Variants in CCDC91 observed in about 807,000 individuals in gnomAD.
CCDC91 encodes coiled-coil domain containing 91.
CCDC91 carries 48 observed loss-of-function variants against 63.2 expected under a neutral mutation model. The ratio of observed to expected loss-of-function variants is 0.76; its 90% CI spans 0.60 to 0.97. The LOEUF (loss-of-function observed/expected upper bound fraction) is 0.97. CCDC91 is among the 50% of genes least tolerant of loss of function. The pLI is 0.00. For synonymous variants in CCDC91, 167 were observed against 165.8 expected, an observed-to-expected ratio of 1.01 and a Z score of -0.06; for missense variants, 500 against 494.6, an observed-to-expected ratio of 1.01 and a Z score of -0.10.
intron 8 of CCDC91, among the ~76,000 whole-genome samples, chr12:28,423,193 C>G (rs544633340): frequency 4.6e-5 from 7 of 152,038 alleles, no homozygotes; most frequent in South Asian, 2.1e-4. Flanking sequence ...AAATAATGCT[C>G]TAAGTACCCT....
intron 6 of CCDC91, among the ~76,000 whole-genome samples, chr12:28,346,268 C>T (rs2138120206): frequency 6.6e-6 from 1 of 152,192 alleles, no homozygotes; most frequent in South Asian, 2.1e-4. Context: ...GATTGAAAAC[C>T]ATATAAAAAC....
At chr12:28,336,590 A>G (rs1941999682) in intron 6 of CCDC91, among the ~76,000 whole-genome samples, 1 of 152,124 alleles carries the variant, frequency 6.6e-6, no homozygotes, top group Non-Finnish European at 1.5e-5. Flanking sequence ...CTGAAGCTTG[A>G]AAAGTCTTGC....
At chr12:28,404,370 G>A (rs1412940231) in intron 8 of CCDC91, among the ~76,000 whole-genome samples, 4 of 151,918 alleles carry the variant, frequency 2.6e-5, no homozygotes, top group Admixed American at 1.3e-4. Flanking sequence ...CACATTTTGT[G>A]ATTTCTACTC....
chr12:28,343,518 G>A (rs894220170), intron 6 of CCDC91, among the ~76,000 whole-genome samples: 1 of 152,016 alleles, frequency 6.6e-6, no homozygotes, highest in Admixed American at 6.5e-5. Context: ...GGGGTAAGAG[G>A]TCAAGAGAGT....
chr12:28,447,446 G>A (rs1347055189), intron 8 of CCDC91, among the ~76,000 whole-genome samples: 1 of 151,724 alleles, frequency 6.6e-6, no homozygotes, highest in Non-Finnish European at 1.5e-5. Context: ...TTTATAATGA[G>A]CATATATCAG....
At chr12:28,282,301 A>T (rs1459089879) in intron 3 of CCDC91, among the ~76,000 whole-genome samples, 1 of 152,032 alleles carries the variant, frequency 6.6e-6, no homozygotes, top group East Asian at 1.9e-4. Context: ...GAAGCTGACT[A>T]CTCTGTGTGC....
At chr12:28,245,754 T>G (rs1275791945) in intron 1 of CCDC91, among the ~76,000 whole-genome samples, 1 of 152,150 alleles carries the variant, frequency 6.6e-6, no homozygotes, top group African/African-American at 2.4e-5. Context: ...GAAGTCAAAT[T>G]AAGTACAAAA....
At chr12:28,205,744 A>C (rs948013891) in intron 1 of CCDC91, among the ~76,000 whole-genome samples, 5 of 152,158 alleles carry the variant, frequency 3.3e-5, no homozygotes, top group Admixed American at 2.6e-4. Flanking sequence ...AGACTCAGCT[A>C]TTGTTACAGA....
chr12:28,522,698 C>G (rs150561620), intron 12 of CCDC91, among the ~76,000 whole-genome samples: 28 of 152,264 alleles, frequency 1.8e-4, no homozygotes, highest in South Asian at 1.2e-3. Flanking sequence ...CCTCCTTTCT[C>G]TTGTGGGCAT....
At chr12:28,196,832 A>G (rs1163148898) in intron 1 of CCDC91, among the ~76,000 whole-genome samples, 2 of 152,162 alleles carry the variant, frequency 1.3e-5, no homozygotes, top group East Asian at 3.8e-4. Context: ...AATATATTTT[A>G]AAAACAAAAT....
At chr12:28,539,218 T>C (rs1039375836) in intron 12 of CCDC91, among the ~76,000 whole-genome samples, 1 of 152,212 alleles carries the variant, frequency 6.6e-6, no homozygotes, top group Non-Finnish European at 1.5e-5. Context: ...TAGGTTTTCT[T>C]CTAGGGTTTT....
At chr12:28,272,725 G>C (rs1947871366) in intron 3 of CCDC91, among the ~76,000 whole-genome samples, 1 of 151,954 alleles carries the variant, frequency 6.6e-6, no homozygotes, top group Non-Finnish European at 1.5e-5. Flanking sequence ...ATATTAGTGT[G>C]TTTCTACTGC....
chr12:28,314,016 G>T lies in CCDC91; in HGVS notation c.576+6267G>T, dbSNP rs144723886. Among the ~76,000 whole-genome samples the T allele has an allele frequency of 2.0e-3, 297 of 152,094 alleles. 3 individuals carry two copies. Among genetic ancestry groups the T allele is most frequent in the African/African-American group, 6.7e-3 (279 of 41,514 alleles). On this transcript the variant is annotated intron_variant, in intron 6 of 12. Coordinates refer to ENST00000536442, the MANE Select transcript of CCDC91 (RefSeq NM_018318.5). ...AAAATTCAGTTACCAGACACAGCTG[G>T]TTATAAAATTATTATCTTTGATAGT...
intron 3 of CCDC91, among the ~76,000 whole-genome samples, chr12:28,297,327 G>A (rs1949616220): frequency 1.3e-5 from 2 of 151,778 alleles, no homozygotes; most frequent in South Asian, 2.1e-4. Context: ...TGGAAACTTG[G>A]TGCTCCTTCG....
chr12:28,380,398 T>C (rs1244670811), intron 7 of CCDC91, among the ~76,000 whole-genome samples: 1 of 152,126 alleles, frequency 6.6e-6, no homozygotes, highest in African/African-American at 2.4e-5. Flanking sequence ...TCAATAATTT[T>C]TCACTTACTA....
chr12:28,434,347 C>G (rs1374074570), intron 8 of CCDC91, among the ~76,000 whole-genome samples: 1 of 151,514 alleles, frequency 6.6e-6, no homozygotes, highest in East Asian at 1.9e-4. Flanking sequence ...AATGCTTTAT[C>G]TGCATCTATT....
At chr12:28,192,387 CA>C (rs1941337397) in intron 1 of CCDC91, among the ~76,000 whole-genome samples, 1 of 152,100 alleles carries the variant, frequency 6.6e-6, no homozygotes, top group East Asian at 1.9e-4. Context: ...AGACTGGTTC[CA>C]TTAAGTAAAA....
At chr12:28,266,242 G>A (rs1030762792) in intron 3 of CCDC91, among the ~76,000 whole-genome samples, 2 of 151,954 alleles carry the variant, frequency 1.3e-5, no homozygotes, top group African/African-American at 4.8e-5. Flanking sequence ...CTGAAGATTA[G>A]GTTTATTATA....
intron 6 of CCDC91, among the ~76,000 whole-genome samples, chr12:28,329,048 T>C (rs1941267566): frequency 6.6e-6 from 1 of 152,088 alleles, no homozygotes; most frequent in Non-Finnish European, 1.5e-5. Context: ...TTTCAAAAAA[T>C]AAAAATGCAT....
Sources: gnomAD v4.1 joint callset for allele counts (sites outside exome capture counted in the v4.1 genomes callset) on GRCh38, gnomAD v4.1.1 for gene constraint, MANE v1.5 for transcripts, NCBI Gene and HGNC (gene_info 2026-07-23, HGNC 2026-07-21) for gene names.